The following SORCS3 variants were observed in gnomAD, a reference collection of about 807,000 sequenced individuals.
SORCS3 encodes VPS10 domain-containing receptor SorCS3.
Under a neutral mutation model 146.3 loss-of-function variants are expected in SORCS3, and 57 were observed. The observed-to-expected ratio is 0.39, with a 90% CI of 0.31 to 0.49. The LOEUF (loss-of-function observed/expected upper bound fraction) is 0.49, where lower values mean the gene tolerates loss of function less well. Ranked by LOEUF, SORCS3 falls within the 20% of genes least tolerant of loss-of-function variation. The pLI is 0.92. For synonymous variants in SORCS3, 653 were observed against 618.5 expected, an observed-to-expected ratio of 1.06 and a Z score of -0.83; for missense variants, 1,341 against 1,575.5, an observed-to-expected ratio of 0.85 and a Z score of 2.52.
chr10:104,849,412 A>C (rs2018246017), intron 2 of SORCS3, among the ~76,000 whole-genome samples: 2 of 6,114 alleles, frequency 3.3e-4, no homozygotes, highest in African/African-American at 3.4e-3. Context: ...ACTCCATCTC[A>C]AAAAAAAAAA....
At chr10:104,815,517 A>C (rs866309100) in intron 1 of SORCS3, among the ~76,000 whole-genome samples, 7 of 150,700 alleles carry the variant, frequency 4.6e-5, no homozygotes, top group African/African-American at 9.7e-5. Context: ...GGGCACATTT[A>C]AATATAAATA....
chr10:104,818,538 T>C (rs2017834286), intron 1 of SORCS3, among the ~76,000 whole-genome samples: 1 of 151,354 alleles, frequency 6.6e-6, no homozygotes. Flanking sequence ...ATGAAGAGGG[T>C]CCCGTAGGCT....
intron 4 of SORCS3, among the ~76,000 whole-genome samples, chr10:105,006,469 A>G (rs556200495): frequency 1.3e-5 from 2 of 152,152 alleles, no homozygotes; most frequent in African/African-American, 2.4e-5. Flanking sequence ...TCCACATACC[A>G]TCTACTCTCC....
intron 1 of SORCS3, among the ~76,000 whole-genome samples, chr10:104,645,467 G>A (rs1159180625): frequency 6.6e-6 from 1 of 152,168 alleles, no homozygotes; most frequent in African/African-American, 2.4e-5. Context: ...AACCCTTCAT[G>A]GGGCCCCCAT....
At chr10:105,117,642 C>A (rs1358046160) in intron 7 of SORCS3, among the ~76,000 whole-genome samples, 2 of 152,166 alleles carry the variant, frequency 1.3e-5, no homozygotes, top group Non-Finnish European at 2.9e-5. Context: ...TGAACCTACA[C>A]CCCTCTGTAA....
chr10:104,864,511 G>T (rs1387561077), intron 2 of SORCS3, among the ~76,000 whole-genome samples: 1 of 152,124 alleles, frequency 6.6e-6, no homozygotes, highest in African/African-American at 2.4e-5. Flanking sequence ...GTGGTACCTG[G>T]TTAACAAAGC....
At chr10:105,120,062 G>A (rs2055920796) in intron 7 of SORCS3, among the ~76,000 whole-genome samples, 1 of 152,160 alleles carries the variant, frequency 6.6e-6, no homozygotes, top group South Asian at 2.1e-4. Context: ...TCCATAATCC[G>A]CATGTGTTAT....
intron 16 of SORCS3, among the ~76,000 whole-genome samples, chr10:105,207,284 A>G (rs2056608146): frequency 6.7e-6 from 1 of 149,852 alleles, no homozygotes; most frequent in Admixed American, 6.6e-5. Context: ...TATTATTATT[A>G]TTATTATTAT....
chr10:104,659,341 T>G (rs1186907574), intron 1 of SORCS3, among the ~76,000 whole-genome samples: 2 of 152,176 alleles, frequency 1.3e-5, no homozygotes, highest in African/African-American at 2.4e-5. Context: ...CAAGCGAGAT[T>G]GTATAGTGCC....
chr10:104,972,959 G>T (rs2054870031), intron 3 of SORCS3, among the ~76,000 whole-genome samples: 1 of 152,232 alleles, frequency 6.6e-6, no homozygotes, highest in East Asian at 1.9e-4. Context: ...TAATCATGTG[G>T]TTTTTGTCTT....
chr10:105,022,860 G>A (rs532431113), intron 4 of SORCS3, among the ~76,000 whole-genome samples: 9 of 152,160 alleles, frequency 5.9e-5, no homozygotes, highest in Non-Finnish European at 1.3e-4. Flanking sequence ...TTTTAAAACA[G>A]GACTTGAGTT....
chr10:104,800,303 G>C lies in SORCS3; in HGVS notation c.628-42489G>C, dbSNP rs566832442. 1.2e-3 allele frequency among the ~76,000 whole-genome samples: 184 copies of C among 152,170 alleles called. 1 individual carries two copies. The highest frequency in any genetic ancestry group is 4.2e-3 in the African/African-American group (173 of 41,540). On this transcript the variant is annotated intron_variant, in intron 1 of 26. Coordinates refer to ENST00000369701, the MANE Select transcript of SORCS3 (RefSeq NM_014978.3). Reference sequence around the variant, plus strand: ...GGCAAAACTTTGGAGACAGTAAAAAGATCTATGGTTAACAGTAGTTAGCGA... The same window carrying C: ...GGCAAAACTTTGGAGACAGTAAAAACATCTATGGTTAACAGTAGTTAGCGA...
At chr10:105,038,612 C>T (rs1034047058) in intron 4 of SORCS3, among the ~76,000 whole-genome samples, 1 of 152,080 alleles carries the variant, frequency 6.6e-6, no homozygotes, top group Admixed American at 6.5e-5. Context: ...ATTGTTCAAA[C>T]ATCTAAAAAT....
chr10:104,651,553 A>AAC (rs1564651370), intron 1 of SORCS3, among the ~76,000 whole-genome samples: 4 of 150,992 alleles, frequency 2.6e-5, no homozygotes, highest in African/African-American at 9.7e-5. Context: ...AAAAAAAAAA[A>AAC]ACACAAAAAT....
intron 2 of SORCS3, among the ~76,000 whole-genome samples, chr10:104,883,975 T>TGTG (rs146493237): frequency 4.1e-4 from 59 of 145,654 alleles, no homozygotes; most frequent in African/African-American, 1.6e-3. Context: ...TGCTGTGGAA[T>TGTG]GAGGGGGGGG....
chr10:105,257,758 T>A (rs904536757), intron 25 of SORCS3, among the ~76,000 whole-genome samples: 1 of 152,176 alleles, frequency 6.6e-6, no homozygotes, highest in Non-Finnish European at 1.5e-5. Context: ...TTAAATGTCA[T>A]AGTGTGTGTA....
At chr10:105,026,257 A>T (rs2055229923) in intron 4 of SORCS3, among the ~76,000 whole-genome samples, 1 of 152,136 alleles carries the variant, frequency 6.6e-6, no homozygotes, top group Admixed American at 6.6e-5. Context: ...CACTAGTCCA[A>T]GCCACCAGCC....
At chr10:104,705,184 T>C (rs2016321712) in intron 1 of SORCS3, among the ~76,000 whole-genome samples, 1 of 151,712 alleles carries the variant, frequency 6.6e-6, no homozygotes, top group Admixed American at 6.6e-5. Context: ...AGTTTAGAGA[T>C]GTGTATTTAT....
intron 4 of SORCS3, among the ~76,000 whole-genome samples, chr10:105,025,730 T>C (rs554577689): frequency 1.3e-5 from 2 of 152,134 alleles, no homozygotes; most frequent in East Asian, 3.9e-4. Context: ...CGGTTGTGTT[T>C]TGTTTCTGCC....
Sources: allele counts gnomAD v4.1 joint callset (sites outside exome capture counted in the v4.1 genomes callset), GRCh38; gene constraint gnomAD v4.1.1; transcripts MANE v1.5; gene names NCBI Gene and HGNC (gene_info 2026-07-23, HGNC 2026-07-21).